Variants in DUSP13B observed in about 807,000 individuals in gnomAD.
The protein encoded by DUSP13B is dual specificity phosphatase 13B.
At chr10:75,105,649 C>A in the DUSP13B span, 1 of 1,546,956 alleles carries the variant, frequency 6.5e-7, no homozygotes, top group South Asian at 1.2e-5. Context: ...GCTTTGCCCC[C>A]TGAGGCCTCA....
chr10:75,096,991 T>G, the DUSP13B span, among the ~76,000 whole-genome samples: 1 of 152,182 alleles, frequency 6.6e-6, no homozygotes, highest in Non-Finnish European at 1.5e-5. Context: ...ACTCATATCA[T>G]TTTAAACAAC....
chr10:75,100,357 C>T, the DUSP13B span, among the ~76,000 whole-genome samples: 1 of 152,120 alleles, frequency 6.6e-6, no homozygotes, highest in Non-Finnish European at 1.5e-5. Flanking sequence ...GGTGTTGCCC[C>T]ACCTGTCCAC....
the DUSP13B span, chr10:75,103,994 ATCT>A: frequency 2.2e-6 from 3 of 1,354,116 alleles, no homozygotes; most frequent in Non-Finnish European, 3.0e-6. Flanking sequence ...GGCTTCCACC[ATCT>A]TCTGTGTGTC....
the DUSP13B span, chr10:75,094,850 C>T: frequency 6.2e-7 from 1 of 1,614,130 alleles, no homozygotes; most frequent in East Asian, 2.2e-5. Flanking sequence ...AGCGGCTTAC[C>T]CCCATGGCAC....
chr10:75,098,826 G>C, the DUSP13B span, among the ~76,000 whole-genome samples: 1 of 152,220 alleles, frequency 6.6e-6, no homozygotes, highest in African/African-American at 2.4e-5. Context: ...CCAGGAGGAA[G>C]CTGAAGCTCA....
the DUSP13B span, chr10:75,099,248 A>C: frequency 0.068 from 83,327 of 1,232,240 alleles, 3,958 homozygotes; most frequent in East Asian, 0.27. Context: ...ACTGGGAAGA[A>C]CATCTTTTCC....
At chr10:75,097,004 G>T in the DUSP13B span, among the ~76,000 whole-genome samples, 1 of 152,184 alleles carries the variant, frequency 6.6e-6, no homozygotes, top group East Asian at 1.9e-4. Flanking sequence ...TAAACAACAG[G>T]TGAAACTAAC....
the DUSP13B span, chr10:75,107,969 T>A: frequency 6.3e-7 from 1 of 1,596,994 alleles, no homozygotes; most frequent in Non-Finnish European, 8.5e-7. Flanking sequence ...AGATGGGATA[T>A]GGGCTTGGAC....
the DUSP13B span, among the ~76,000 whole-genome samples, chr10:75,106,765 G>C: frequency 6.6e-6 from 1 of 152,250 alleles, no homozygotes; most frequent in African/African-American, 2.4e-5. Flanking sequence ...TGCCAGGCAC[G>C]TAGTGGATAC....
chr10:75,098,014 CAT>C, the DUSP13B span: 1 of 791,102 alleles, frequency 1.3e-6, no homozygotes, highest in South Asian at 2.1e-5. Context: ...ATCTATTTCA[CAT>C]GAGGTATTAA....
the DUSP13B span, chr10:75,098,970 A>G: frequency 8.1e-7 from 1 of 1,231,836 alleles, no homozygotes; most frequent in Non-Finnish European, 1.0e-6. Context: ...CTGCTTCCTC[A>G]AGGGAGCCTG....
At chr10:75,103,511 T>C in the DUSP13B span, among the ~76,000 whole-genome samples, 2 of 152,164 alleles carry the variant, frequency 1.3e-5, no homozygotes, top group African/African-American at 2.4e-5. Context: ...CTTTAAGGTC[T>C]CTCCCCATGC....
At chr10:75,107,108 G>A in the DUSP13B span, among the ~76,000 whole-genome samples, 7 of 152,342 alleles carry the variant, frequency 4.6e-5, no homozygotes, top group Non-Finnish European at 8.8e-5. Flanking sequence ...GGCCGAGGCA[G>A]ACAGATCACT....
the DUSP13B span, chr10:75,095,856 G>T: frequency 6.5e-7 from 1 of 1,549,962 alleles, no homozygotes; most frequent in Non-Finnish European, 8.9e-7. Flanking sequence ...GGCAGCTCTG[G>T]CTGGGTTGAA....
At chr10:75,099,656 G>T in the DUSP13B span, 1 of 748,696 alleles carries the variant, frequency 1.3e-6, no homozygotes, top group Non-Finnish European at 1.8e-6. Context: ...CCTCCTCTCT[G>T]CTTGGTATCT....
At chr10:75,099,095 T>C in the DUSP13B span, 1 of 1,232,238 alleles carries the variant, frequency 8.1e-7, no homozygotes, top group African/African-American at 1.6e-5. Context: ...GTTTCAGGCA[T>C]CTGCTGGCTG....
the DUSP13B span, chr10:75,101,771 ACCCCT>A: frequency 9.8e-6 from 4 of 408,868 alleles, no homozygotes; most frequent in Non-Finnish European, 1.5e-5. Flanking sequence ...CCCAAACCCC[ACCCCT>A]CCCCACACAG....
chr10:75,102,194 G>C, the DUSP13B span, among the ~76,000 whole-genome samples: 1 of 152,226 alleles, frequency 6.6e-6, no homozygotes, highest in African/African-American at 2.4e-5. Context: ...GTGGGAGAAG[G>C]GGCCGGGCGC....
the DUSP13B span, among the ~76,000 whole-genome samples, chr10:75,104,653 T>C: frequency 5.9e-5 from 9 of 152,268 alleles, no homozygotes; most frequent in Non-Finnish European, 1.3e-4. Flanking sequence ...TCAGACCTTC[T>C]ACCCACAGAG....
Sources: allele counts gnomAD v4.1 joint callset (sites outside exome capture counted in the v4.1 genomes callset), GRCh38; gene constraint gnomAD v4.1.1; transcripts MANE v1.5; gene names NCBI Gene and HGNC (gene_info 2026-07-23, HGNC 2026-07-21).